The following ACYP2 variants were observed in gnomAD, a reference collection of about 807,000 sequenced individuals.
ACYP2 encodes the protein acylphosphatase-2.
In ACYP2, 12 loss-of-function variants were observed where a neutral mutation model predicts 11.2. The ratio of observed to expected loss-of-function variants is 1.08; its 90% CI spans 0.69 to 1.74. The LOEUF is 1.74. ACYP2 is among the 40% of genes most tolerant of loss of function. The pLI, the probability that ACYP2 is intolerant of heterozygous loss-of-function variation, is 0.00. For missense variants in ACYP2, 134 were observed against 101.9 expected (o/e 1.31, Z -1.35); for synonymous variants, 43 against 32.2 (o/e 1.33, Z -1.13).
chr2:54,000,031 T>A (rs1477258), intron 2 of ACYP2, among the ~76,000 whole-genome samples: 61,372 of 151,780 alleles, frequency 0.4, 12,643 homozygotes, highest in South Asian at 0.51. Context: ...GGATTTTTTT[T>A]AAGCAGTTGC....
At chr2:54,229,555 T>C (rs1306043341) in intron 6 of ACYP2, among the ~76,000 whole-genome samples, 2 of 152,196 alleles carry the variant, frequency 1.3e-5, no homozygotes, top group African/African-American at 4.8e-5. Context: ...TTCAAGATAG[T>C]ACTTTTAGGA....
At position 54,201,636 on chromosome 2, in the gene ACYP2, C is replaced by CTTTCTTTCTTTCTT. The variant is rs59874821; in HGVS notation, c.404+62889_404+62890insTTCTTTCTTTCTTT. On this transcript the variant is annotated intron_variant, in intron 6 of 6. Coordinates refer to ENST00000607452, the MANE Select transcript of ACYP2 (RefSeq NM_001320586.2). ...TCTTTCTTTCTTTGTTTCTTTCTTT[C>CTTTCTTTCTTTCTT]TCTTTCTTTCTTTCTTTCTTTCTTT... Among the ~76,000 whole-genome samples, 408 of 93,628 alleles carry CTTTCTTTCTTTCTT rather than the reference C, an allele frequency of 4.4e-3. 4 individuals carry two copies. The highest frequency in any genetic ancestry group is 0.018 in the East Asian group (56 of 3,094). 61.4% of individuals were successfully genotyped at this position (93,628 alleles called of 152,430 possible).
chr2:54,217,442 CTG>C (rs1196069360), intron 6 of ACYP2, among the ~76,000 whole-genome samples: 1 of 152,206 alleles, frequency 6.6e-6, no homozygotes, highest in South Asian at 2.1e-4. Flanking sequence ...TCACAGCTCA[CTG>C]TGGCCTCTAC....
intron 3 of ACYP2, among the ~76,000 whole-genome samples, chr2:54,056,327 G>A (rs1008415269): frequency 3.3e-5 from 5 of 152,158 alleles, no homozygotes; most frequent in Non-Finnish European, 7.3e-5. Context: ...TTTGCCCATC[G>A]TCCAGGATAC....
rs995014183 is a variant in ACYP2 at position 54,208,826 on chromosome 2, C to T, written c.404+70078C>T. Among the ~76,000 whole-genome samples the T allele has an allele frequency of 2.0e-5, 3 of 151,710 alleles. No homozygotes were observed. The East Asian group carries it at 5.8e-4, about 29-fold the overall frequency. ...ATAAATCAAATTTTATGGGAGTAGGCATTTGTTGCATTGTGTCCTCATACC... is the reference window on the plus strand; with the variant it reads ...ATAAATCAAATTTTATGGGAGTAGGTATTTGTTGCATTGTGTCCTCATACC... On this transcript the variant is annotated intron_variant, in intron 6 of 6. Coordinates refer to ENST00000607452, the MANE Select transcript of ACYP2 (RefSeq NM_001320586.2).
chr2:54,270,742 G>A (rs1369958552), intron 6 of ACYP2, among the ~76,000 whole-genome samples: 1 of 152,034 alleles, frequency 6.6e-6, no homozygotes, highest in Non-Finnish European at 1.5e-5. Flanking sequence ...TATTCAATTA[G>A]TGTAATAACT....
At chr2:54,235,278 GTT>G (rs34554365) in intron 6 of ACYP2, among the ~76,000 whole-genome samples, 3 of 148,452 alleles carry the variant, frequency 2.0e-5, no homozygotes, top group Non-Finnish European at 3.0e-5. Flanking sequence ...TATAAGACAG[GTT>G]TTTTTTTTTA....
rs60289014 is a variant in ACYP2, at chr2:54,013,255, ATGTGTGTGTGTGTGTGTGTGTG to A, written c.63-37663_63-37642del. ...AATATAACATTTACCACCATCTAAT[ATGTGTGTGTGTGTGTGTGTGTG>A]TGTGTGTGTGTGTGTGTGTGTGTGT... On this transcript the variant is annotated intron_variant, in intron 2 of 6. Transcript: ENST00000607452. Among the ~76,000 whole-genome samples the A allele has an allele frequency of 7.3e-3, 862 of 117,602 alleles. 18 individuals are homozygous for A. The highest frequency in any genetic ancestry group is 0.02 in the Admixed American group (219 of 10,742). The allele number at this position is 117,602 out of a possible 152,430, so 77.2% of individuals were successfully genotyped here.
intron 4 of ACYP2, chr2:54,080,516 T>G (rs529209664): frequency 6.6e-6 from 1 of 152,450 alleles, no homozygotes; most frequent in Non-Finnish European, 1.5e-5. Context: ...GAGATGGAGT[T>G]TCGCTCTTGT....
intron 6 of ACYP2, chr2:54,255,772 T>G: frequency 6.2e-7 from 1 of 1,613,902 alleles, no homozygotes; most frequent in South Asian, 1.1e-5. Context: ...TTCTAGAGCC[T>G]TCTCCCCACC....
At chr2:54,202,049 T>C (rs1022224180) in intron 6 of ACYP2, among the ~76,000 whole-genome samples, 9 of 150,680 alleles carry the variant, frequency 6.0e-5, no homozygotes, top group African/African-American at 2.2e-4. Flanking sequence ...GCCCTGACGT[T>C]TAGGTATTCG....
rs751808177 is a variant in ACYP2 at position 54,144,543 on chromosome 2, A to G, written c.404+5795A>G. Among the ~76,000 whole-genome samples, 12 of 151,980 alleles carry G rather than the reference A, an allele frequency of 7.9e-5. No homozygotes were observed. The East Asian group carries it at 9.7e-4, about 12-fold the overall frequency. ...ACAAAAATTAGCCAGGCGTGGTGGT[A>G]CACACCTGTAATCCCAGCTACTTGG... is the stretch of plus-strand genomic sequence containing the variant. On this transcript the variant is annotated intron_variant, in intron 6 of 6. Transcript: ENST00000607452.
In ACYP2 at chr2:54,233,682, C is replaced by T. The variant is rs573698974; in HGVS notation, c.405-71006C>T. On this transcript the variant is annotated intron_variant, in intron 6 of 6. Transcript: ENST00000607452. The stretch of plus-strand genomic sequence containing the variant: ...CTACCCCTGCTCCACACCTGATCTA[C>T]TTTCTGTCACTACAGATTAGTTGCA... Among the ~76,000 whole-genome samples, 6 of 152,268 alleles carry T rather than the reference C, an allele frequency of 3.9e-5. No individual in the cohort carries two copies. In the East Asian group the frequency reaches 9.7e-4, roughly 24 times the overall value.
chr2:54,295,838 G>A (rs1213010472), intron 6 of ACYP2, among the ~76,000 whole-genome samples: 3 of 151,892 alleles, frequency 2.0e-5, no homozygotes, highest in Non-Finnish European at 2.9e-5. Flanking sequence ...TCGGCTCACT[G>A]CAACCTCCGC....
intron 6 of ACYP2, among the ~76,000 whole-genome samples, chr2:54,252,628 G>A (rs983583409): frequency 6.6e-6 from 1 of 152,010 alleles, no homozygotes; most frequent in African/African-American, 2.4e-5. Context: ...GATCCCATTG[G>A]CATAATGGAA....
chr2:53,988,886 ACAGGTGCGCGCTAC>A (rs1220860802), intron 2 of ACYP2, among the ~76,000 whole-genome samples: 1 of 151,978 alleles, frequency 6.6e-6, no homozygotes, highest in Non-Finnish European at 1.5e-5. Flanking sequence ...AGCTGGGATT[ACAGGTGCGCGCTAC>A]CATGCCCACC....
chr2:54,048,118 TA>T (rs1453063010), intron 2 of ACYP2, among the ~76,000 whole-genome samples: 1 of 152,204 alleles, frequency 6.6e-6, no homozygotes, highest in African/African-American at 2.4e-5. Flanking sequence ...ATTTTATATA[TA>T]TTTTTTGTAA....
intron 4 of ACYP2, among the ~76,000 whole-genome samples, chr2:54,128,115 T>C (rs1680652593): frequency 6.6e-6 from 1 of 152,178 alleles, no homozygotes; most frequent in Non-Finnish European, 1.5e-5. Context: ...AATTTTGAGA[T>C]CCAACAGGGG....
intron 6 of ACYP2, among the ~76,000 whole-genome samples, chr2:54,161,719 C>T (rs2103830184): frequency 6.6e-6 from 1 of 152,182 alleles, no homozygotes; most frequent in Non-Finnish European, 1.5e-5. Flanking sequence ...TTTACATGAA[C>T]AGTATTACAC....
Sources: gnomAD v4.1 joint callset for allele counts (sites outside exome capture counted in the v4.1 genomes callset) on GRCh38, gnomAD v4.1.1 for gene constraint, MANE v1.5 for transcripts, NCBI Gene and HGNC (gene_info 2026-07-23, HGNC 2026-07-21) for gene names.